Variants in NCEH1 observed in about 807,000 individuals in gnomAD.
NCEH1 encodes the protein neutral cholesterol ester hydrolase 1.
NCEH1 carries 9 observed loss-of-function variants against 25.4 expected under a neutral mutation model. The ratio of observed to expected loss-of-function variants is 0.35; its 90% CI spans 0.21 to 0.62. The LOEUF is 0.62. Among genes scored for constraint, NCEH1 ranks in the 20% least tolerant of loss-of-function variants. The probability of loss-of-function intolerance (pLI) is 0.72; values close to 1 mark genes in which losing one functional copy is unlikely to be tolerated. For synonymous variants in NCEH1, 200 were observed against 199.8 expected (o/e 1.00, Z -0.01); for missense variants, 412 against 501.1 (o/e 0.82, Z 1.70).
intron 1 of NCEH1, among the ~76,000 whole-genome samples, chr3:172,666,110 C>A (rs962172049): frequency 2.0e-4 from 31 of 152,244 alleles, no homozygotes; most frequent in Non-Finnish European, 4.1e-4. Context: ...ATTCTTGGAA[C>A]CCAAGCCATT....
chr3:172,660,831 C>A (rs1717941784), intron 1 of NCEH1, among the ~76,000 whole-genome samples: 1 of 152,064 alleles, frequency 6.6e-6, no homozygotes, highest in South Asian at 2.1e-4. Flanking sequence ...TTGATTTTTT[C>A]TTGTAAATTT....
At chr3:172,671,225 C>T (rs1331713111) in intron 1 of NCEH1, among the ~76,000 whole-genome samples, 1 of 152,104 alleles carries the variant, frequency 6.6e-6, no homozygotes, top group Non-Finnish European at 1.5e-5. Flanking sequence ...GAATACCATC[C>T]TTCAGAAACC....
intron 1 of NCEH1, among the ~76,000 whole-genome samples, chr3:172,659,279 C>T (rs573797424): frequency 4.2e-5 from 6 of 143,426 alleles, no homozygotes; most frequent in South Asian, 2.2e-4. Context: ...ATTCTTTTAT[C>T]GGGAGGCTGA....
intron 1 of NCEH1, among the ~76,000 whole-genome samples, chr3:172,706,087 C>T (rs1465829794): frequency 6.6e-6 from 1 of 151,034 alleles, no homozygotes; most frequent in Non-Finnish European, 1.5e-5. Context: ...CAACCTGGTG[C>T]CTTCACTACT....
intron 1 of NCEH1, among the ~76,000 whole-genome samples, chr3:172,682,964 G>A (rs964983165): frequency 6.6e-6 from 1 of 152,232 alleles, no homozygotes; most frequent in Non-Finnish European, 1.5e-5. Flanking sequence ...GAACAAGTGT[G>A]TGCCCCTGCC....
At chr3:172,659,787 G>A (rs1013430229) in intron 1 of NCEH1, among the ~76,000 whole-genome samples, 4 of 152,162 alleles carry the variant, frequency 2.6e-5, no homozygotes, top group African/African-American at 9.7e-5. Context: ...TGGCAGCATA[G>A]CTCTATGCTT....
intron 3 of NCEH1, among the ~76,000 whole-genome samples, chr3:172,642,620 A>AG (rs993777825): frequency 2.7e-5 from 4 of 149,602 alleles, no homozygotes; most frequent in Non-Finnish European, 4.4e-5. Flanking sequence ...AAAAAAAAAA[A>AG]AAAAGAAAAA....
chr3:172,698,048 C>T (rs1327668122), intron 1 of NCEH1, among the ~76,000 whole-genome samples: 1 of 144,068 alleles, frequency 6.9e-6, no homozygotes, highest in Non-Finnish European at 1.5e-5. Flanking sequence ...GTGATCTCAG[C>T]TCACTGCAAG....
At chr3:172,672,041 C>A (rs1349610338) in intron 1 of NCEH1, among the ~76,000 whole-genome samples, 1 of 152,208 alleles carries the variant, frequency 6.6e-6, no homozygotes, top group Non-Finnish European at 1.5e-5. Flanking sequence ...TCACCCAGAG[C>A]AAATTCTACT....
In NCEH1 at chr3:172,653,756, T is replaced by TG. The variant is rs1553830367; in HGVS notation, c.139-5643_139-5642insC. ...TTCTGTTTTTTTTGTTTTTTTGTTT[T>TG]TTTGTTTTTTTTTTTTTTTGAGACA... On this transcript the variant is annotated intron_variant, in intron 1 of 4. Transcript: ENST00000475381. 4.9e-3 allele frequency among the ~76,000 whole-genome samples: 478 copies of TG among 96,936 alleles called. 11 individuals carry two copies. Among genetic ancestry groups the TG allele is most frequent in the African/African-American group, 0.023 (454 of 19,354 alleles). The allele number at this position is 96,936 out of a possible 152,430, so 63.6% of individuals were successfully genotyped here. A position where few individuals can be genotyped will look rare whatever the true frequency, so the allele number is the denominator to read the frequency against.
chr3:172,666,238 G>A (rs139106066), intron 1 of NCEH1, among the ~76,000 whole-genome samples: 144 of 152,214 alleles, frequency 9.5e-4, no homozygotes, highest in African/African-American at 3.1e-3. Flanking sequence ...TTCCTGTCCC[G>A]GTGTGTGCCA....
At chr3:172,642,342 T>G (rs979902061) in intron 3 of NCEH1, among the ~76,000 whole-genome samples, 1 of 151,894 alleles carries the variant, frequency 6.6e-6, no homozygotes, top group African/African-American at 2.4e-5. Context: ...CCTGGCTAAT[T>G]GTTTTTTAAC....
At chr3:172,646,116 G>C (rs1717108545) in intron 2 of NCEH1, among the ~76,000 whole-genome samples, 1 of 152,166 alleles carries the variant, frequency 6.6e-6, no homozygotes. Flanking sequence ...ACTTCAGGAG[G>C]CTAAGGAAGG....
chr3:172,671,426 C>G (rs532346446), intron 1 of NCEH1, among the ~76,000 whole-genome samples: 1 of 151,740 alleles, frequency 6.6e-6, no homozygotes, highest in Non-Finnish European at 1.5e-5. Flanking sequence ...CTTAGCATAC[C>G]TTTCGGGTAA....
At chr3:172,708,750 ATTCT>A (rs1714143964) in intron 1 of NCEH1, among the ~76,000 whole-genome samples, 1 of 152,212 alleles carries the variant, frequency 6.6e-6, no homozygotes, top group Admixed American at 6.5e-5. Flanking sequence ...AAAGGTAAGC[ATTCT>A]TATAGATGTT....
At chr3:172,701,333 C>T (rs1713664151) in intron 1 of NCEH1, among the ~76,000 whole-genome samples, 1 of 152,144 alleles carries the variant, frequency 6.6e-6, no homozygotes, top group African/African-American at 2.4e-5. Context: ...TCCTTCCTCT[C>T]CGATGCTCCA....
At chr3:172,646,222 G>A (rs1251916005) in intron 2 of NCEH1, among the ~76,000 whole-genome samples, 1 of 152,126 alleles carries the variant, frequency 6.6e-6, no homozygotes, top group Non-Finnish European at 1.5e-5. Context: ...AGGCATAGTG[G>A]TGCACGCCTG....
intron 1 of NCEH1, among the ~76,000 whole-genome samples, chr3:172,674,180 G>A (rs570848365): frequency 2.1e-4 from 32 of 152,268 alleles, no homozygotes; most frequent in African/African-American, 7.5e-4. Flanking sequence ...ATTGGCTCAC[G>A]CCTGTAATCC....
At chr3:172,636,690 C>T (rs931679046) in intron 3 of NCEH1, among the ~76,000 whole-genome samples, 1 of 152,210 alleles carries the variant, frequency 6.6e-6, no homozygotes, top group Admixed American at 6.5e-5. Flanking sequence ...TCCAGACGGC[C>T]TAGAGCAGGC....
Sources: allele counts gnomAD v4.1 joint callset (sites outside exome capture counted in the v4.1 genomes callset), GRCh38; gene constraint gnomAD v4.1.1; transcripts MANE v1.5; gene names NCBI Gene and HGNC (gene_info 2026-07-23, HGNC 2026-07-21).